TMX1: variants seen among roughly 807,000 people sequenced by gnomAD.
The protein encoded by TMX1 is thioredoxin-related transmembrane protein 1.
TMX1 carries 25 observed loss-of-function variants against 36.6 expected under a neutral mutation model. That is an observed-to-expected ratio of 0.68 (90% CI 0.50 to 0.95). The LOEUF (loss-of-function observed/expected upper bound fraction) is 0.95. Ranked by LOEUF, TMX1 falls within the 40% of genes least tolerant of loss-of-function variation. The pLI is 0.00. For missense variants in TMX1, 347 were observed against 339.6 expected, an observed-to-expected ratio of 1.02 and a Z score of -0.17; for synonymous variants, 133 against 118.0, an observed-to-expected ratio of 1.13 and a Z score of -0.82.
intron 1 of TMX1, 47 bp downstream of exon 1, chr14:51,240,491 A>G (rs1162835097): frequency 6.3e-7 from 1 of 1,587,370 alleles, no homozygotes; most frequent in African/African-American, 1.3e-5. Flanking sequence ...TGGACACACG[A>G]CTTCACCCCG....
intron 1 of TMX1, among the ~76,000 whole-genome samples, chr14:51,241,043 C>A (rs2065758446): frequency 6.6e-6 from 1 of 151,832 alleles, no homozygotes; most frequent in Non-Finnish European, 1.5e-5. Flanking sequence ...TTTGCTTTCT[C>A]TTTTTTTCAC....
rs2139861722 is a variant in TMX1, at chr14:51,257,190, A to G, written c.*2671A>G. On this transcript the variant is annotated 3_prime_UTR_variant, in exon 8 of 8. Transcript: ENST00000457354. ...ATAAATGCTATTCATAAATAACCAT[A>G]ATTATTCAGTATTTGCAGTCTCGTG... 1 of 152,268 alleles carries G rather than the reference A, an allele frequency of 6.6e-6. No individual in the cohort carries two copies. The highest frequency in any genetic ancestry group is 1.9e-4 in the East Asian group (1 of 5,188). The allele number at this position is 152,268 out of a possible 1,614,324, so 9.4% of individuals were successfully genotyped here.
At chr14:51,247,061 C>T (rs200622947) in intron 3 of TMX1, 31 bp from the exon 4 acceptor site, 59 of 1,573,964 alleles carry the variant, frequency 3.7e-5, no homozygotes, top group East Asian at 3.4e-4. Context: ...TTTCTCAGTG[C>T]TGGATAATAT....
At chr14:51,245,478 T>C (rs760685249) in intron 3 of TMX1, 120 bp downstream of exon 3, 2 of 1,546,346 alleles carry the variant, frequency 1.3e-6, no homozygotes, top group Non-Finnish European at 1.7e-6. Context: ...ATTCAGCAGG[T>C]ATTTTAGAGG....
intron 1 of TMX1, among the ~76,000 whole-genome samples, chr14:51,242,043 C>T (rs1161588639): frequency 6.6e-6 from 1 of 152,114 alleles, no homozygotes; most frequent in Non-Finnish European, 1.5e-5. Flanking sequence ...GCAGAAGAAT[C>T]GCTTGAATCT....
At chr14:51,240,586 A>C in intron 1 of TMX1, 142 bp downstream of exon 1, 2 of 1,234,178 alleles carry the variant, frequency 1.6e-6, no homozygotes, top group Non-Finnish European at 2.2e-6. Flanking sequence ...CAGCTCCCCA[A>C]ACTCTTGGGA....
intron 7 of TMX1, among the ~76,000 whole-genome samples, chr14:51,253,290 T>C (rs1596408619): frequency 6.6e-6 from 1 of 152,250 alleles, no homozygotes; most frequent in African/African-American, 2.4e-5. Flanking sequence ...CTAGACATTG[T>C]TAAGTGTTCC....
chr14:51,243,681 A>G (rs2065772416), intron 1 of TMX1, among the ~76,000 whole-genome samples, 175 bp from the exon 2 acceptor site: 1 of 151,944 alleles, frequency 6.6e-6, no homozygotes, highest in African/African-American at 2.4e-5. Context: ...TGATTTCCGG[A>G]TTGTTAGATC....
At chr14:51,240,814 T>G (rs754478934) in intron 1 of TMX1, among the ~76,000 whole-genome samples, 1 of 152,134 alleles carries the variant, frequency 6.6e-6, no homozygotes, top group Non-Finnish European at 1.5e-5. Flanking sequence ...CTTCACAGAC[T>G]TCTACACTTA....
chr14:51,245,479 A>G (rs2139852847), intron 3 of TMX1, 121 bp downstream of exon 3: 1 of 1,545,216 alleles, frequency 6.5e-7, no homozygotes, highest in Middle Eastern at 1.7e-4. Flanking sequence ...TTCAGCAGGT[A>G]TTTTAGAGGG....
Position 51,247,084 on chromosome 14 carries a change from C to G in TMX1, c.315-8C>G, listed in dbSNP as rs1267575008. ...TGCTGGATAATATTTAATTCTGATTCTCTTTAGTTGTAAAGATGGTGAATT... is the reference window on the plus strand; with the variant it reads ...TGCTGGATAATATTTAATTCTGATTGTCTTTAGTTGTAAAGATGGTGAATT... On this transcript the variant is annotated splice_region_variant and splice_polypyrimidine_tract_variant and intron_variant, in intron 3 of 7. Transcript: ENST00000457354. The G allele has an allele frequency of 6.3e-7, 1 of 1,597,930 alleles. No individual in the cohort carries two copies.
In TMX1 at chr14:51,255,793, G is replaced by A. The variant is rs529237460; in HGVS notation, c.*1274G>A. ...ACATAGTTTTCACCTTAAAAGAAGGGGGAAAATCATAAATACAATGAATCA... is the reference window on the plus strand; with the variant it reads ...ACATAGTTTTCACCTTAAAAGAAGGAGGAAAATCATAAATACAATGAATCA... On this transcript the variant is annotated 3_prime_UTR_variant, in exon 8 of 8. Transcript: ENST00000457354. 1.3e-5 allele frequency: 2 copies of A among 152,084 alleles called. No individual in the cohort carries two copies. Among genetic ancestry groups the A allele is most frequent in the Admixed American group, 1.3e-4 (2 of 15,278 alleles). 9.4% of individuals were successfully genotyped at this position (152,084 alleles called of 1,614,324 possible). A position where few individuals can be genotyped will look rare whatever the true frequency, so the allele number is the denominator to read the frequency against.
intron 1 of TMX1, 72 bp from the exon 2 acceptor site, chr14:51,243,784 A>T: frequency 1.0e-6 from 1 of 990,156 alleles, no homozygotes; most frequent in South Asian, 2.2e-5. Context: ...ATACATTTAA[A>T]TTTTTTATCC....
At chr14:51,249,654 A>T in intron 6 of TMX1, 39 bp from the exon 7 acceptor site, 2 of 1,600,140 alleles carry the variant, frequency 1.2e-6, no homozygotes, top group Non-Finnish European at 1.7e-6. Flanking sequence ...TGTGGCATAT[A>T]TTCTACATTC....
chr14:51,243,842 T>C lies in TMX1; in HGVS notation c.153-14T>C, dbSNP rs1192914759. 6.4e-7 allele frequency: 1 copy of C among 1,573,976 alleles called. No individual in the cohort carries two copies. Among genetic ancestry groups the C allele is most frequent in the South Asian group, 1.2e-5 (1 of 81,872 alleles). ...GTGCTTAACTTTTTTTAAAAAAAAA[T>C]CTGTATTTCTTAGTTATGCCCCGTG... On this transcript the variant is annotated splice_polypyrimidine_tract_variant and intron_variant, in intron 1 of 7. Transcript: ENST00000457354.
rs1463780324 is a variant in TMX1, at chr14:51,255,064, C to T, written c.*545C>T. On this transcript the variant is annotated 3_prime_UTR_variant, in exon 8 of 8. Coordinates refer to ENST00000457354, the MANE Select transcript of TMX1 (RefSeq NM_030755.5). ...TATGCAACTAATAAAAACTACCTTACATTAATTAATTACAGTTTTCTACAC... is the reference window on the plus strand; with the variant it reads ...TATGCAACTAATAAAAACTACCTTATATTAATTAATTACAGTTTTCTACAC... 6.6e-6 allele frequency: 1 copy of T among 152,058 alleles called. No individual in the cohort carries two copies. Among genetic ancestry groups the T allele is most frequent in the Non-Finnish European group, 1.5e-5 (1 of 67,960 alleles). 9.4% of individuals were successfully genotyped at this position (152,058 alleles called of 1,614,324 possible). A position where few individuals can be genotyped will look rare whatever the true frequency, so the allele number is the denominator to read the frequency against.
intron 1 of TMX1, among the ~76,000 whole-genome samples, chr14:51,242,273 T>C (rs2140469399): frequency 6.6e-6 from 1 of 152,314 alleles, no homozygotes; most frequent in East Asian, 1.9e-4. Context: ...TTTTCAGTCA[T>C]CATCATGAGT....
chr14:51,254,676 C>G lies in TMX1; in HGVS notation c.*157C>G, dbSNP rs542041209. ...AGTCTACATTCAGAACATAAAAGCACTAGGTATACAAGTTTGAAATATGAT... is the reference window on the plus strand; with the variant it reads ...AGTCTACATTCAGAACATAAAAGCAGTAGGTATACAAGTTTGAAATATGAT... On this transcript the variant is annotated 3_prime_UTR_variant, in exon 8 of 8. Transcript: ENST00000457354. 1 of 603,178 alleles carries G rather than the reference C, an allele frequency of 1.7e-6. No individual in the cohort carries two copies. Among genetic ancestry groups the G allele is most frequent in the African/African-American group, 1.9e-5 (1 of 51,758 alleles). 37.4% of individuals were successfully genotyped at this position (603,178 alleles called of 1,614,324 possible).
intron 5 of TMX1, 31 bp from the exon 6 acceptor site, chr14:51,249,437 T>A (rs760880799): frequency 1.9e-6 from 3 of 1,548,592 alleles, no homozygotes; most frequent in South Asian, 1.2e-5. Context: ...AATGAACAGA[T>A]TTTTAGTTTT....
Sources: gnomAD v4.1 joint callset for allele counts (sites outside exome capture counted in the v4.1 genomes callset) on GRCh38, gnomAD v4.1.1 for gene constraint, MANE v1.5 for transcripts, NCBI Gene and HGNC (gene_info 2026-07-23, HGNC 2026-07-21) for gene names.